Variants in CD8A observed in about 807,000 individuals in gnomAD.
The protein encoded by CD8A is CD8 subunit alpha.
In CD8A, 25 loss-of-function variants were observed where a neutral mutation model predicts 24.2. The ratio of observed to expected loss-of-function variants is 1.03; its 90% confidence interval spans 0.75 to 1.44. CD8A has a LOEUF of 1.44. Among genes scored for constraint, CD8A ranks in the 40% most tolerant of loss-of-function variants. CD8A has a pLI of 0.00. For synonymous variants in CD8A, 165 were observed against 149.9 expected (o/e 1.10, Z -0.74); for missense variants, 360 against 319.7 (o/e 1.13, Z -0.96).
chr2:86,791,176 A>T, upstream of CD8A: 1 of 516,292 alleles, frequency 1.9e-6, no homozygotes. Flanking sequence ...GAGTGGGTGA[A>T]GGGAGACCAA....
In CD8A at chr2:86,790,434, G is replaced by A. The variant is rs1309833751; in HGVS notation, c.297C>T (p.Val99=). 4 of 1,614,166 alleles carry A rather than the reference G, an allele frequency of 2.5e-6. No homozygotes were observed. In the East Asian group the frequency reaches 8.9e-5, roughly 36 times the overall value. ...FSGKRLGDTF[V]LTLSDFRREN... is the part of the protein sequence containing the mutation. The stretch of plus-strand genomic sequence containing the variant: ...CTCGGCGGAAGTCGCTCAGGGTGAG[G>A]ACGAAGGTGTCCCCCAACCTCTTGC... Residue 99 remains valine, a synonymous_variant, in exon 2 of 6, where the codon GTC becomes GTT. Coordinates refer to ENST00000283635, the MANE Select transcript of CD8A (RefSeq NM_001768.7).
At chr2:86,791,843 C>T, upstream of CD8A, 1 of 360,642 alleles carries the variant, frequency 2.8e-6, no homozygotes, top group Non-Finnish European at 5.5e-6. Context: ...TGCGGTCCCT[C>T]GGCCTGGAAT....
chr2:86,797,212 G>A (rs1031094831), intron 3 of CD8A, among the ~76,000 whole-genome samples: 2 of 152,194 alleles, frequency 1.3e-5, no homozygotes, highest in African/African-American at 4.8e-5. Context: ...TCAGGGCTGG[G>A]GATGTAGCCT....
chr2:86,801,220 C>G (rs1419063263), intron 3 of CD8A, among the ~76,000 whole-genome samples: 1 of 152,194 alleles, frequency 6.6e-6, no homozygotes, highest in Non-Finnish European at 1.5e-5. Context: ...ACTAATACAG[C>G]AACTAATAGA....
chr2:86,800,731 T>C (rs1673644327), intron 3 of CD8A, among the ~76,000 whole-genome samples: 1 of 152,186 alleles, frequency 6.6e-6, no homozygotes, highest in Non-Finnish European at 1.5e-5. Context: ...AAGTGTTTGC[T>C]TTCAACAAAA....
Position 86,785,872 on chromosome 2 carries a change from A to C in CD8A, c.*48T>G. Reference sequence around the variant, plus strand: ...ATGAAAGGGAAGGACTTGCTCCCTCAAAAGGAAGGATCTCAGTTTGAAGTA... The same window carrying C: ...ATGAAAGGGAAGGACTTGCTCCCTCCAAAGGAAGGATCTCAGTTTGAAGTA... On this transcript the variant is annotated 3_prime_UTR_variant, in exon 6 of 6. Transcript: ENST00000283635. 7.2e-7 allele frequency: 1 copy of C among 1,393,096 alleles called. No homozygotes were observed. Among genetic ancestry groups the C allele is most frequent in the South Asian group, 1.2e-5 (1 of 86,654 alleles). 86.3% of individuals were successfully genotyped at this position (1,393,096 alleles called of 1,614,324 possible). A position where few individuals can be genotyped will look rare whatever the true frequency, so the allele number is the denominator to read the frequency against.
chr2:86,790,738 C>T, intron 1 of CD8A, 39 bp downstream of exon 1: 1 of 1,530,738 alleles, frequency 6.5e-7, no homozygotes, highest in African/African-American at 1.4e-5. Flanking sequence ...CGCCCCCCGC[C>T]CGCCCCATCC....
chr2:86,792,959 G>A (rs1232453843), upstream of CD8A, among the ~76,000 whole-genome samples: 1 of 152,072 alleles, frequency 6.6e-6, no homozygotes, highest in Non-Finnish European at 1.5e-5. Flanking sequence ...ATATATTCTT[G>A]TACGAAAACA....
upstream of CD8A, among the ~76,000 whole-genome samples, chr2:86,792,343 T>A (rs1046796696): frequency 1.3e-5 from 2 of 152,152 alleles, no homozygotes; most frequent in Non-Finnish European, 2.9e-5. Flanking sequence ...GCCCCACCCA[T>A]TAGTTCTGCT....
rs1672977321 is a variant in CD8A, at chr2:86,785,860, A to G, written c.*60T>C. On this transcript the variant is annotated 3_prime_UTR_variant, in exon 6 of 6. Coordinates refer to ENST00000283635, the MANE Select transcript of CD8A (RefSeq NM_001768.7). ...AGACTGGAAAAAATGAAAGGGAAGG[A>G]CTTGCTCCCTCAAAAGGAAGGATCT... The G allele has an allele frequency of 8.4e-7, 1 of 1,192,140 alleles. No individual in the cohort carries two copies. The highest frequency in any genetic ancestry group is 1.5e-5 in the African/African-American group (1 of 66,738). The allele number at this position is 1,192,140 out of a possible 1,614,324, so 73.8% of individuals were successfully genotyped here.
At chr2:86,788,622 AGT>A (rs1209450247) in intron 4 of CD8A, 62 bp from the exon 5 acceptor site, 14 of 1,483,484 alleles carry the variant, frequency 9.4e-6, no homozygotes, top group Non-Finnish European at 1.3e-5. Flanking sequence ...CCCCAAAGAC[AGT>A]GTATTTTTTG....
chr2:86,786,998 C>T (rs1673035430), intron 5 of CD8A, among the ~76,000 whole-genome samples: 1 of 95,864 alleles, frequency 1.0e-5, no homozygotes, highest in African/African-American at 4.1e-5. Context: ...CAAGCCTGGG[C>T]GACATAGCGA....
chr2:86,794,932 C>G (rs1673432439), upstream of CD8A, among the ~76,000 whole-genome samples: 2 of 152,190 alleles, frequency 1.3e-5, no homozygotes, highest in South Asian at 4.1e-4. Flanking sequence ...AGAATGTTCT[C>G]ACCTCTGCTC....
chr2:86,807,645 C>G (rs918396901), exon 2 of CD8A: 1 of 152,642 alleles, frequency 6.6e-6, no homozygotes, highest in Non-Finnish European at 1.5e-5. Flanking sequence ...CGTGATGCCA[C>G]GATGGGGGTG....
chr2:86,798,832 A>G (rs1377719707), intron 3 of CD8A, among the ~76,000 whole-genome samples: 5 of 152,112 alleles, frequency 3.3e-5, no homozygotes, highest in Non-Finnish European at 7.4e-5. Flanking sequence ...TGCATAATGT[A>G]TCTTTTTCTA....
upstream of CD8A, among the ~76,000 whole-genome samples, chr2:86,795,852 G>T (rs1673465471): frequency 6.6e-6 from 1 of 152,078 alleles, no homozygotes; most frequent in African/African-American, 2.4e-5. Context: ...AAGAGAGGAA[G>T]AGATTTTCAA....
chr2:86,794,864 C>G (rs1673430086), upstream of CD8A, among the ~76,000 whole-genome samples: 1 of 152,174 alleles, frequency 6.6e-6, no homozygotes, highest in Admixed American at 6.5e-5. Flanking sequence ...TCTCATTTCT[C>G]AAGCGGACCC....
In CD8A at chr2:86,789,704, G is replaced by T; in HGVS notation, c.450C>A (p.Pro150=). 1 of 1,393,750 alleles carries T rather than the reference G, an allele frequency of 7.2e-7. No individual in the cohort carries two copies. The highest frequency in any genetic ancestry group is 9.2e-7 in the Non-Finnish European group (1 of 1,081,180). 86.3% of individuals were successfully genotyped at this position (1,393,750 alleles called of 1,614,324 possible). A position where few individuals can be genotyped will look rare whatever the true frequency, so the allele number is the denominator to read the frequency against. The change falls in exon 3 of 6, where the codon CCC becomes CCA. Residue 150 remains proline, a synonymous_variant. Coordinates refer to ENST00000283635, the MANE Select transcript of CD8A (RefSeq NM_001768.7). ...TPAPRPPTPA[P]TIASQPLSLR... is the part of the protein sequence containing the mutation. ...GGGACAGGGGCTGCGACGCGATGGT[G>T]GGCGCCGGTGTTGGTGGTCGCGGCG... is the stretch of plus-strand genomic sequence containing the variant.
chr2:86,791,617 C>T (rs1158250352), upstream of CD8A: 1 of 454,176 alleles, frequency 2.2e-6, no homozygotes, highest in Non-Finnish European at 4.4e-6. Context: ...ATTATTCTCA[C>T]AAAGGGGATC....
Sources: gnomAD v4.1 joint callset for allele counts (sites outside exome capture counted in the v4.1 genomes callset) on GRCh38, gnomAD v4.1.1 for gene constraint, MANE v1.5 for transcripts, NCBI Gene and HGNC (gene_info 2026-07-23, HGNC 2026-07-21) for gene names.